The following INSC variants were observed in gnomAD, a reference collection of about 807,000 sequenced individuals.
INSC encodes INSC spindle orientation adaptor protein, also known as protein inscuteable homolog.
Under a neutral mutation model 58.6 loss-of-function variants are expected in INSC, and 67 were observed. The ratio of observed to expected loss-of-function variants is 1.14; its 90% CI spans 0.94 to 1.40. INSC has a LOEUF of 1.40. Ranked by LOEUF, INSC falls within the 40% of genes most tolerant of loss-of-function variation. INSC has a pLI of 0.00. For synonymous variants in INSC, 262 were observed against 276.1 expected (o/e 0.95, Z 0.51); for missense variants, 714 against 692.0 (o/e 1.03, Z -0.36).
downstream of INSC, among the ~76,000 whole-genome samples, chr11:15,250,910 T>C (rs11820647): frequency 0.13 from 19,447 of 152,256 alleles, 1,402 homozygotes; most frequent in Middle Eastern, 0.17. Context: ...ATAAAAGCAA[T>C]GAGAACACTG....
intron 9 of INSC, among the ~76,000 whole-genome samples, chr11:15,228,870 C>T (rs1851740750): frequency 6.6e-6 from 1 of 152,150 alleles, no homozygotes; most frequent in Admixed American, 6.5e-5. Context: ...GTGAGGGCAG[C>T]CTTGGACCTA....
rs762056229 is a variant in INSC, at chr11:15,240,428, C to A, written c.1394-19C>A. On this transcript the variant is annotated intron_variant, in intron 11 of 12. Coordinates refer to ENST00000379556, the MANE Select transcript of INSC (RefSeq NM_001042536.3). The stretch of plus-strand genomic sequence containing the variant: ...TGGGCCCTGTCCTGGGCCTGAGGCT[C>A]TCCCTGTGTCTCCTACAGGCATGTC... 6.2e-6 allele frequency: 10 copies of A among 1,610,580 alleles called. No individual in the cohort carries two copies. Among genetic ancestry groups the A allele is most frequent in the Admixed American group, 3.3e-5 (2 of 59,944 alleles).
intron 1 of INSC, among the ~76,000 whole-genome samples, chr11:15,119,432 CA>C (rs2133681955): frequency 6.6e-6 from 1 of 152,316 alleles, no homozygotes; most frequent in East Asian, 1.9e-4. Context: ...CCCCCAGCTC[CA>C]GGGTCCCCTC....
At chr11:15,201,096 G>T (rs1850573629) in intron 7 of INSC, 147 bp downstream of exon 7, 1 of 1,001,698 alleles carries the variant, frequency 1.0e-6, no homozygotes, top group East Asian at 2.6e-5. Context: ...GGGTGGCTGG[G>T]ACCTGGACTA....
chr11:15,245,902 T>TTCTCCCC lies in INSC; in HGVS notation c.1471-9_1471-3dup. On this transcript the variant is annotated splice_polypyrimidine_tract_variant and intron_variant, in intron 12 of 12. Coordinates refer to ENST00000379556, the MANE Select transcript of INSC (RefSeq NM_001042536.3). ...TCTGACACGTGTCACCTCTTCTGTC[T>TTCTCCCC]TCTCCCCAGGCTGCTCTGCGTAGAT... The TTCTCCCC allele has an allele frequency of 6.2e-7, 1 of 1,613,238 alleles. No individual in the cohort carries two copies. The highest frequency in any genetic ancestry group is 1.1e-5 in the South Asian group (1 of 91,038).
intron 6 of INSC, among the ~76,000 whole-genome samples, chr11:15,194,024 C>T (rs1850280406): frequency 6.6e-6 from 1 of 152,260 alleles, no homozygotes; most frequent in South Asian, 2.1e-4. Context: ...CCTGTAGCCA[C>T]TCCAATACTA....
At chr11:15,118,713 G>T (rs1288993802) in intron 1 of INSC, among the ~76,000 whole-genome samples, 1 of 152,170 alleles carries the variant, frequency 6.6e-6, no homozygotes, top group African/African-American at 2.4e-5. Context: ...ACACTATTTA[G>T]ACTCTGGTTG....
chr11:15,116,843 T>TTC (rs1847716992), intron 1 of INSC, among the ~76,000 whole-genome samples: 3 of 46,794 alleles, frequency 6.4e-5, no homozygotes, highest in African/African-American at 4.2e-4. Flanking sequence ...CTTTCTTTCT[T>TTC]TCTTTCTCTC....
At chr11:15,231,927 C>T (rs577342401) in intron 9 of INSC, among the ~76,000 whole-genome samples, 10 of 152,314 alleles carry the variant, frequency 6.6e-5, no homozygotes, top group African/African-American at 2.4e-4. Flanking sequence ...GCCTGGTTCA[C>T]ACCTTGGCAT....
downstream of INSC, among the ~76,000 whole-genome samples, chr11:15,248,106 A>G (rs1326494866): frequency 2.0e-5 from 3 of 152,210 alleles, no homozygotes; most frequent in African/African-American, 7.2e-5. Context: ...CTTGAAACTG[A>G]CACGCATTCT....
At chr11:15,152,818 A>C (rs1211822512) in intron 2 of INSC, among the ~76,000 whole-genome samples, 1 of 152,212 alleles carries the variant, frequency 6.6e-6, no homozygotes, top group African/African-American at 2.4e-5. Context: ...CCTGCCAAAA[A>C]GAGGAATCTC....
At chr11:15,127,650 G>A (rs914317871) in intron 1 of INSC, among the ~76,000 whole-genome samples, 5 of 152,126 alleles carry the variant, frequency 3.3e-5, no homozygotes, top group African/African-American at 4.8e-5. Flanking sequence ...CCCTCATTGC[G>A]TTCCATGTTC....
At chr11:15,187,961 G>A (rs1850033994) in intron 5 of INSC, among the ~76,000 whole-genome samples, 1 of 152,202 alleles carries the variant, frequency 6.6e-6, no homozygotes, top group Non-Finnish European at 1.5e-5. Flanking sequence ...GATGGATGCA[G>A]AGGAGGAAGC....
intron 5 of INSC, among the ~76,000 whole-genome samples, chr11:15,189,949 C>CT (rs1433574128): frequency 6.6e-6 from 1 of 152,244 alleles, no homozygotes; most frequent in Non-Finnish European, 1.5e-5. Context: ...ATCTTTGTAT[C>CT]TTTTTTGTTA....
chr11:15,207,232 A>C (rs1436675883), intron 7 of INSC, among the ~76,000 whole-genome samples: 1 of 152,210 alleles, frequency 6.6e-6, no homozygotes, highest in Non-Finnish European at 1.5e-5. Context: ...AGTTCTGGTC[A>C]TTGTCTTTTC....
intron 1 of INSC, among the ~76,000 whole-genome samples, chr11:15,143,302 G>A (rs1039015542): frequency 1.3e-5 from 2 of 152,198 alleles, no homozygotes; most frequent in Non-Finnish European, 2.9e-5. Context: ...CTGAATCCAT[G>A]GGTCAGGGAA....
In INSC at chr11:15,190,718, T is replaced by C; in HGVS notation, c.597T>C (p.Ile199=). ...TREVQALVRK[I]DASDNIYTTE... is the part of the protein sequence containing the mutation. Reference sequence around the variant, plus strand: ...CTTCTTAGGCACTGGTGAGAAAAATTGATGCCTCAGACAATATCTACACCA... The same window carrying C: ...CTTCTTAGGCACTGGTGAGAAAAATCGATGCCTCAGACAATATCTACACCA... The change falls in exon 6 of 13, where the codon ATT becomes ATC. Residue 199 remains isoleucine (I), a synonymous_variant. Transcript: ENST00000379556. 6.2e-7 allele frequency: 1 copy of C among 1,613,690 alleles called. No homozygotes were observed. Among genetic ancestry groups the C allele is most frequent in the Non-Finnish European group, 8.5e-7 (1 of 1,179,642 alleles).
At chr11:15,116,717 T>G (rs1435359262) in intron 1 of INSC, among the ~76,000 whole-genome samples, 1 of 151,664 alleles carries the variant, frequency 6.6e-6, no homozygotes, top group African/African-American at 2.4e-5. Context: ...TTCCCTTCCT[T>G]TCTTCCTTCC....
rs2133900007 is a variant in INSC at position 15,208,156 on chromosome 11, A to C, written c.819+7207A>C. 2.6e-5 allele frequency among the ~76,000 whole-genome samples: 4 copies of C among 152,346 alleles called. No individual in the cohort carries two copies. In the South Asian group the frequency reaches 8.3e-4, roughly 32 times the overall value. On this transcript the variant is annotated intron_variant, in intron 7 of 12. Transcript: ENST00000379556. ...TTTGTCTTGCAATCCCTTCTTACCT[A>C]GGAATAGCTTTTAGAGAGAGGGAGA...
Sources: gnomAD v4.1 joint callset for allele counts (sites outside exome capture counted in the v4.1 genomes callset) on GRCh38, gnomAD v4.1.1 for gene constraint, MANE v1.5 for transcripts, NCBI Gene and HGNC (gene_info 2026-07-23, HGNC 2026-07-21) for gene names.